STYX: variants seen among roughly 807,000 people sequenced by gnomAD.
STYX encodes the protein serine/threonine/tyrosine interacting protein, also known as serine/threonine/tyrosine-interacting protein.
A neutral mutation model predicts 42.7 loss-of-function variants in STYX; 20 were observed. The ratio of observed to expected loss-of-function variants is 0.47; its 90% confidence interval spans 0.33 to 0.68. STYX has a LOEUF of 0.68. Among genes scored for constraint, STYX ranks in the 30% least tolerant of loss-of-function variants. The probability of loss-of-function intolerance (pLI) is 0.02; values close to 1 mark genes in which losing one functional copy is unlikely to be tolerated. For missense variants in STYX, 226 were observed against 268.5 expected (o/e 0.84, Z 1.11); for synonymous variants, 78 against 81.9 (o/e 0.95, Z 0.26).
In STYX at chr14:52,768,864, A is replaced by G; in HGVS notation, c.529A>G (p.Lys177Glu). 6.3e-7 allele frequency: 1 copy of G among 1,598,268 alleles called. No individual in the cohort carries two copies. Among genetic ancestry groups the G allele is most frequent in the Non-Finnish European group, 8.5e-7 (1 of 1,174,174 alleles). The change falls in exon 10 of 11, where the codon AAA (lysine) becomes GAA (glutamate). Residue 177 changes from lysine (K) to glutamate (E), a missense_variant. Physicochemically the swap from Lys to Glu is moderately conservative, Grantham distance 56. Transcript: ENST00000354586. ...GGAATATGAAGCCATCTACCTAGCA[A>G]AATTAACAATACAGATGATGTCACC... The part of the protein sequence containing the change: ...LQEYEAIYLA[K>E]LTIQMMSPLQ...
At chr14:52,746,597 A>G in intron 3 of STYX, 118 bp downstream of exon 3, 1 of 798,712 alleles carries the variant, frequency 1.3e-6, no homozygotes, top group African/African-American at 1.9e-5. Context: ...GTCTGTTAAC[A>G]GTAATTGTCA....
At chr14:52,764,320 C>T (rs1391188861) in intron 9 of STYX, among the ~76,000 whole-genome samples, 1 of 152,044 alleles carries the variant, frequency 6.6e-6, no homozygotes, top group Non-Finnish European at 1.5e-5. Context: ...TTGCAGTTAA[C>T]CTCGTTTAAT....
At chr14:52,754,431 T>C (rs930404949) in intron 4 of STYX, among the ~76,000 whole-genome samples, 9 of 151,280 alleles carry the variant, frequency 5.9e-5, no homozygotes, top group Non-Finnish European at 1.2e-4. Flanking sequence ...CAGGCTGTTC[T>C]TGAACTCCTG....
chr14:52,735,990 G>A (rs908778560), intron 1 of STYX, among the ~76,000 whole-genome samples: 1 of 152,164 alleles, frequency 6.6e-6, no homozygotes. Context: ...CCAGGGTCCT[G>A]TATGGTCTGA....
intron 2 of STYX, among the ~76,000 whole-genome samples, chr14:52,745,512 C>T (rs1881361784): frequency 6.6e-6 from 1 of 152,144 alleles, no homozygotes; most frequent in Non-Finnish European, 1.5e-5. Context: ...TTTGCTTTCT[C>T]TGTTTGTCTA....
intron 2 of STYX, among the ~76,000 whole-genome samples, chr14:52,745,141 A>G (rs1227038436): frequency 4.1e-5 from 6 of 147,476 alleles, no homozygotes; most frequent in Non-Finnish European, 7.4e-5. Flanking sequence ...TTTTTTTGAA[A>G]CAGAGTTTCG....
intron 8 of STYX, among the ~76,000 whole-genome samples, chr14:52,759,443 T>A (rs2139922428): frequency 6.6e-6 from 1 of 152,290 alleles, no homozygotes; most frequent in African/African-American, 2.4e-5. Flanking sequence ...CTCCTATTCA[T>A]AGTAGTTCCC....
intron 4 of STYX, 143 bp downstream of exon 4, chr14:52,750,923 A>G (rs888094365): frequency 2.1e-6 from 1 of 475,944 alleles, no homozygotes; most frequent in African/African-American, 2.0e-5. Context: ...TACTTAAAAT[A>G]CTTAAATAAA....
At chr14:52,753,240 A>T (rs1362129588) in intron 4 of STYX, among the ~76,000 whole-genome samples, 2 of 151,160 alleles carry the variant, frequency 1.3e-5, no homozygotes, top group Non-Finnish European at 3.0e-5. Flanking sequence ...TTTAGTAGAG[A>T]CGGGGTTTCA....
chr14:52,751,752 A>G (rs1483053590), intron 4 of STYX, among the ~76,000 whole-genome samples: 1 of 152,258 alleles, frequency 6.6e-6, no homozygotes, highest in Non-Finnish European at 1.5e-5. Context: ...CAAAAGTGAA[A>G]GGATATGTAA....
chr14:52,760,727 G>GT (rs1882057786), intron 9 of STYX, among the ~76,000 whole-genome samples: 1 of 152,032 alleles, frequency 6.6e-6, no homozygotes, highest in African/African-American at 2.4e-5. Context: ...CATGTAAAAT[G>GT]TTTGTCTTCT....
rs17619767 is a variant in STYX, at chr14:52,744,137, C to T, written c.58-715C>T. On this transcript the variant is annotated intron_variant, in intron 1 of 10. Transcript: ENST00000354586. Reference sequence around the variant, plus strand: ...CAGAGCCTGGCCTTTTAGTCTATTTCGATTCTTCATTTCAATTCACTATAC... The same window carrying T: ...CAGAGCCTGGCCTTTTAGTCTATTTTGATTCTTCATTTCAATTCACTATAC... 2.5e-3 allele frequency among the ~76,000 whole-genome samples: 375 copies of T among 152,180 alleles called. 7 individuals carry two copies. In the East Asian group the frequency reaches 0.041, roughly 17 times the overall value.
chr14:52,751,099 G>C (rs916124046), intron 4 of STYX, among the ~76,000 whole-genome samples: 2 of 152,006 alleles, frequency 1.3e-5, no homozygotes, highest in Non-Finnish European at 2.9e-5. Context: ...AGTATCTAGG[G>C]GATAGGTTTA....
At chr14:52,757,287 C>T (rs370518565) in intron 5 of STYX, 32 bp from the exon 6 acceptor site, 1 of 1,555,076 alleles carries the variant, frequency 6.4e-7, no homozygotes, top group Non-Finnish European at 8.8e-7. Flanking sequence ...TTATTTTATG[C>T]TTACATTAAT....
intron 9 of STYX, among the ~76,000 whole-genome samples, chr14:52,765,677 G>A (rs183713267): frequency 2.0e-5 from 3 of 152,298 alleles, no homozygotes; most frequent in Admixed American, 2.0e-4. Flanking sequence ...CGGATGGGGT[G>A]GCGGGGGAGA....
In STYX at chr14:52,743,938, C is replaced by T. The variant is rs564163724; in HGVS notation, c.58-914C>T. Among the ~76,000 whole-genome samples the T allele has an allele frequency of 2.3e-4, 35 of 152,274 alleles. 2 individuals are homozygous for T. In the South Asian group the frequency reaches 6.6e-3, roughly 29 times the overall value. On this transcript the variant is annotated intron_variant, in intron 1 of 10. Transcript: ENST00000354586. Reference sequence around the variant, plus strand: ...CCAGGCTCAAGCGATCTTCCCACCTCAGCCTCCTGTGTAGATGGGATTACA... The same window carrying T: ...CCAGGCTCAAGCGATCTTCCCACCTTAGCCTCCTGTGTAGATGGGATTACA...
intron 4 of STYX, 50 bp from the exon 5 acceptor site, chr14:52,756,501 C>G: frequency 9.5e-7 from 1 of 1,049,990 alleles, no homozygotes; most frequent in Non-Finnish European, 1.4e-6. Context: ...TTTAAAGTAC[C>G]TTAAGTGTTT....
rs1260074109 is a variant in STYX at position 52,774,198 on chromosome 14, A to T, written c.*3092A>T. The T allele has an allele frequency of 6.6e-6, 1 of 152,222 alleles. No individual in the cohort carries two copies. Among genetic ancestry groups the T allele is most frequent in the African/African-American group, 2.4e-5 (1 of 41,460 alleles). 9.4% of individuals were successfully genotyped at this position (152,222 alleles called of 1,614,324 possible). On this transcript the variant is annotated 3_prime_UTR_variant, in exon 11 of 11. Coordinates refer to ENST00000354586, the MANE Select transcript of STYX (RefSeq NM_145251.4). The stretch of plus-strand genomic sequence containing the variant: ...CAGTTTTGGGGAGAGTTTATGCTTC[A>T]TCTGAGTTTAGAAGTAATGTCAGAA...
chr14:52,753,735 T>C (rs184367905), intron 4 of STYX, among the ~76,000 whole-genome samples: 2 of 152,184 alleles, frequency 1.3e-5, no homozygotes. Context: ...TATTTTACCT[T>C]ATTTTTTGTT....
Sources: allele counts gnomAD v4.1 joint callset (sites outside exome capture counted in the v4.1 genomes callset), GRCh38; gene constraint gnomAD v4.1.1; transcripts MANE v1.5; gene names NCBI Gene and HGNC (gene_info 2026-07-23, HGNC 2026-07-21).